DLG2: variants seen among roughly 807,000 people sequenced by gnomAD.
DLG2 encodes the protein discs large MAGUK scaffold protein 2, also known as disks large homolog 2.
Under a neutral mutation model 132.5 loss-of-function variants are expected in DLG2, and 45 were observed. The ratio of observed to expected loss-of-function variants is 0.34; its 90% CI spans 0.27 to 0.44. The LOEUF is 0.44. Ranked by LOEUF, DLG2 falls within the 20% of genes least tolerant of loss-of-function variation. The probability of loss-of-function intolerance (pLI) is 1.00; values close to 1 mark genes in which losing one functional copy is unlikely to be tolerated. For synonymous variants in DLG2, 424 were observed against 419.6 expected, an observed-to-expected ratio of 1.01 and a Z score of -0.13; for missense variants, 1,045 against 1,196.9, an observed-to-expected ratio of 0.87 and a Z score of 1.87.
At chr11:85,117,267 G>A (rs1396706165) in intron 5 of DLG2, among the ~76,000 whole-genome samples, 2 of 151,996 alleles carry the variant, frequency 1.3e-5, no homozygotes, top group African/African-American at 4.8e-5. Flanking sequence ...AAGTGTCCAT[G>A]AGGGAAAAAC....
Position 85,532,919 on chromosome 11 carries a change from T to G in DLG2, c.40+65738A>C, listed in dbSNP as rs367741637. ...TCCACGAAACAAAAAACAATGCATT[T>G]TGTTAAAGTATACATTTTAGAAACA... On this transcript the variant is annotated intron_variant, in intron 3 of 27. Coordinates refer to ENST00000376104, the MANE Select transcript of DLG2 (RefSeq NM_001142699.3). 7.9e-5 allele frequency among the ~76,000 whole-genome samples: 12 copies of G among 152,334 alleles called. No individual in the cohort carries two copies. In the South Asian group the frequency reaches 2.3e-3, roughly 29 times the overall value.
At chr11:84,696,286 T>C (rs949444755) in intron 6 of DLG2, among the ~76,000 whole-genome samples, 2 of 151,564 alleles carry the variant, frequency 1.3e-5, no homozygotes, top group Admixed American at 1.3e-4. Context: ...TAAGCACTTA[T>C]GTATGTCGTC....
chr11:83,845,656 G>A (rs555289297), intron 16 of DLG2, among the ~76,000 whole-genome samples: 236 of 152,296 alleles, frequency 1.5e-3, no homozygotes, highest in African/African-American at 5.5e-3. Context: ...CACTGATACA[G>A]AGTTTATACT....
At chr11:83,772,968 C>T (rs183759875) in intron 18 of DLG2, among the ~76,000 whole-genome samples, 2 of 152,264 alleles carry the variant, frequency 1.3e-5, no homozygotes, top group East Asian at 3.9e-4. Context: ...GATTTTTGAA[C>T]CCACATATTA....
Position 84,447,266 on chromosome 11 carries a change from A to C in DLG2, c.519+87304T>G, listed in dbSNP as rs1233445383. Among the ~76,000 whole-genome samples the C allele has an allele frequency of 2.0e-5, 3 of 152,240 alleles. No homozygotes were observed. The East Asian group carries it at 5.8e-4, about 29-fold the overall frequency. ...TGATAATAGGAGCAAATGAGATAATACATATACACTATTTGGAGTAGTTCT... is the reference window on the plus strand; with the variant it reads ...TGATAATAGGAGCAAATGAGATAATCCATATACACTATTTGGAGTAGTTCT... On this transcript the variant is annotated intron_variant, in intron 7 of 27. Transcript: ENST00000376104.
intron 6 of DLG2, among the ~76,000 whole-genome samples, chr11:84,621,107 G>C (rs1295131117): frequency 1.3e-5 from 2 of 152,014 alleles, no homozygotes; most frequent in Admixed American, 1.3e-4. Flanking sequence ...AATAGAATTA[G>C]GGAATGGGAA....
intron 6 of DLG2, among the ~76,000 whole-genome samples, chr11:84,724,758 G>A (rs886090141): frequency 3.9e-5 from 6 of 152,120 alleles, no homozygotes; most frequent in African/African-American, 1.4e-4. Context: ...AAATATTTTT[G>A]ATGACTTTCA....
chr11:83,708,550 C>T (rs1274110040), intron 18 of DLG2, among the ~76,000 whole-genome samples: 2 of 152,166 alleles, frequency 1.3e-5, no homozygotes, highest in African/African-American at 4.8e-5. Flanking sequence ...TAACAAATGT[C>T]TTTCAATACT....
chr11:85,127,011 G>T (rs770223507), intron 5 of DLG2, among the ~76,000 whole-genome samples: 7 of 152,166 alleles, frequency 4.6e-5, no homozygotes, highest in Non-Finnish European at 8.8e-5. Context: ...TCAGGGGGAT[G>T]AAATGGGAAA....
chr11:84,032,787 G>A (rs1593523391), intron 11 of DLG2, among the ~76,000 whole-genome samples: 1 of 152,134 alleles, frequency 6.6e-6, no homozygotes, highest in South Asian at 2.1e-4. Context: ...CCTGGTAAGG[G>A]TTTATGGAGC....
intron 3 of DLG2, among the ~76,000 whole-genome samples, chr11:85,481,552 GC>G (rs1218288842): frequency 9.2e-5 from 14 of 152,112 alleles, no homozygotes; most frequent in African/African-American, 3.4e-4. Flanking sequence ...ACAAGACTTT[GC>G]CTCAGATTCC....
intron 3 of DLG2, among the ~76,000 whole-genome samples, chr11:85,386,937 T>G (rs1038495131): frequency 2.6e-5 from 4 of 151,004 alleles, no homozygotes; most frequent in African/African-American, 7.3e-5. Flanking sequence ...TCTTGTCACC[T>G]AGGCTGGAGT....
intron 12 of DLG2, among the ~76,000 whole-genome samples, chr11:83,969,262 T>C (rs1428743785): frequency 6.6e-6 from 1 of 152,216 alleles, no homozygotes; most frequent in African/African-American, 2.4e-5. Context: ...CATTAAAAGC[T>C]AGGGCTCATA....
intron 3 of DLG2, among the ~76,000 whole-genome samples, chr11:85,463,321 T>C (rs1160229274): frequency 1.3e-5 from 2 of 152,232 alleles, no homozygotes; most frequent in East Asian, 1.9e-4. Context: ...TAGGCAATAC[T>C]GTATTTTTCT....
intron 8 of DLG2, among the ~76,000 whole-genome samples, chr11:84,200,007 T>C (rs1176478365): frequency 6.6e-6 from 1 of 152,026 alleles, no homozygotes; most frequent in Non-Finnish European, 1.5e-5. Context: ...CAAAATATTA[T>C]AAATTTTAAA....
At chr11:85,405,838 C>T (rs550064078) in intron 3 of DLG2, among the ~76,000 whole-genome samples, 114 of 151,866 alleles carry the variant, frequency 7.5e-4, no homozygotes, top group African/African-American at 2.7e-3. Flanking sequence ...AGACATGTAC[C>T]AACTGATTGA....
chr11:84,422,934 G>A (rs1243793133), intron 7 of DLG2, among the ~76,000 whole-genome samples: 1 of 152,076 alleles, frequency 6.6e-6, no homozygotes, highest in Non-Finnish European at 1.5e-5. Context: ...CCTACCCAAA[G>A]TCACTTCTCC....
At chr11:84,059,561 C>A in intron 10 of DLG2, 77 bp from the exon 11 acceptor site, 1 of 1,124,378 alleles carries the variant, frequency 8.9e-7, no homozygotes. Context: ...GTTTATCTGA[C>A]CTTAAGAAGT....
intron 7 of DLG2, among the ~76,000 whole-genome samples, chr11:84,300,437 T>G (rs1429291581): frequency 6.6e-6 from 1 of 152,192 alleles, no homozygotes; most frequent in Non-Finnish European, 1.5e-5. Context: ...GAAAGACAGG[T>G]GCATAGATCA....
Sources: allele counts gnomAD v4.1 joint callset (sites outside exome capture counted in the v4.1 genomes callset), GRCh38; gene constraint gnomAD v4.1.1; transcripts MANE v1.5; gene names NCBI Gene and HGNC (gene_info 2026-07-23, HGNC 2026-07-21).